HS6ST1: variants seen among roughly 807,000 people sequenced by gnomAD.
HS6ST1 encodes heparan sulfate 6-O-sulfotransferase 1, also known as heparan-sulfate 6-O-sulfotransferase 1.
In HS6ST1, 3 loss-of-function variants were observed where a neutral mutation model predicts 25.2. The observed-to-expected ratio is 0.12, with a 90% CI of 0.05 to 0.31. The LOEUF is 0.31. Ranked by LOEUF, HS6ST1 falls within the 10% of genes least tolerant of loss-of-function variation. HS6ST1 has a pLI of 1.00. For synonymous variants in HS6ST1, 204 were observed against 275.1 expected (o/e 0.74, Z 2.56); for missense variants, 310 against 609.6 (o/e 0.51, Z 5.18).
rs1693553114 is a variant in HS6ST1, at chr2:128,268,211, C to A, written c.1187G>T (p.Gly396Val). The A allele has an allele frequency of 6.2e-7, 1 of 1,610,008 alleles. No homozygotes were observed. The highest frequency in any genetic ancestry group is 2.2e-5 in the East Asian group (1 of 44,832). ...ALPREDADEP[G>V]RVPTEDYMSH... ...CATGTAGTCCTCGGTGGGCACGCGG[C>A]CCGGCTCGTCGGCATCCTCCCGCGG... is the stretch of plus-strand genomic sequence containing the variant. Residue 396 changes from glycine (G) to valine (V), a missense_variant, in exon 2 of 2, where the codon GGC becomes GTC. Gly to Val is a moderately radical substitution (Grantham distance 109, BLOSUM62 -3). Around this residue, in one of 5 missense-constraint regions of HS6ST1, gnomAD observed 140 missense variants for 176.5 expected, o/e 0.79. Coordinates refer to ENST00000259241, the MANE Select transcript of HS6ST1 (RefSeq NM_004807.3).
chr2:128,289,036 C>T (rs922832973), intron 1 of HS6ST1, among the ~76,000 whole-genome samples: 3 of 152,174 alleles, frequency 2.0e-5, no homozygotes, highest in South Asian at 2.1e-4. Flanking sequence ...AACACAGAGG[C>T]GGCCGCGGAG....
intron 1 of HS6ST1, among the ~76,000 whole-genome samples, chr2:128,304,929 C>G (rs1221237941): frequency 6.6e-6 from 1 of 152,226 alleles, no homozygotes; most frequent in Non-Finnish European, 1.5e-5. Flanking sequence ...CATCCCCTGG[C>G]TCTGTGGCAA....
chr2:128,287,546 C>A (rs554790653), intron 1 of HS6ST1, among the ~76,000 whole-genome samples: 14 of 152,284 alleles, frequency 9.2e-5, no homozygotes, highest in African/African-American at 3.4e-4. Flanking sequence ...AGAAGTCACC[C>A]CCAGGGTAGG....
intron 1 of HS6ST1, among the ~76,000 whole-genome samples, chr2:128,308,688 C>T (rs886775876): frequency 6.6e-6 from 1 of 152,196 alleles, no homozygotes; most frequent in African/African-American, 2.4e-5. Context: ...AGGCCATAGC[C>T]CAAGGTGAGC....
At chr2:128,301,108 AG>A (rs1228900939) in intron 1 of HS6ST1, among the ~76,000 whole-genome samples, 2 of 152,016 alleles carry the variant, frequency 1.3e-5, no homozygotes, top group Non-Finnish European at 2.9e-5. Context: ...TCCCTCTGTG[AG>A]GGGCAGGGGT....
intron 1 of HS6ST1, among the ~76,000 whole-genome samples, chr2:128,309,841 G>A (rs1694262235): frequency 6.6e-6 from 1 of 152,212 alleles, no homozygotes; most frequent in Non-Finnish European, 1.5e-5. Context: ...CTCTCCAGAT[G>A]AGGAACTGGG....
At chr2:128,313,723 G>A (rs752029295) in intron 1 of HS6ST1, among the ~76,000 whole-genome samples, 5 of 152,086 alleles carry the variant, frequency 3.3e-5, no homozygotes, top group Non-Finnish European at 5.9e-5. Flanking sequence ...CTGGCCCTAG[G>A]GACCAAGGTG....
intron 1 of HS6ST1, among the ~76,000 whole-genome samples, chr2:128,308,172 G>A (rs914136747): frequency 1.3e-5 from 2 of 152,214 alleles, no homozygotes; most frequent in African/African-American, 4.8e-5. Context: ...TGAAACGCAG[G>A]ACAGTGGTGC....
intron 1 of HS6ST1, among the ~76,000 whole-genome samples, chr2:128,271,757 T>A (rs1693612779): frequency 6.6e-6 from 1 of 152,162 alleles, no homozygotes; most frequent in Non-Finnish European, 1.5e-5. Context: ...TGGCCTGCAG[T>A]GACGGGTGGG....
intron 1 of HS6ST1, among the ~76,000 whole-genome samples, chr2:128,290,817 C>CA (rs57754041): frequency 0.022 from 1,360 of 60,530 alleles, 69 homozygotes; most frequent in Middle Eastern, 0.069. Context: ...ACTAAAAATA[C>CA]AAAAAAAAAA....
chr2:128,302,166 C>T (rs1181266387), intron 1 of HS6ST1, among the ~76,000 whole-genome samples: 3 of 152,136 alleles, frequency 2.0e-5, no homozygotes, highest in Non-Finnish European at 2.9e-5. Context: ...TCCAAGCTGG[C>T]GCTGCTGCCT....
At chr2:128,283,735 T>G (rs902774407) in intron 1 of HS6ST1, among the ~76,000 whole-genome samples, 3 of 152,294 alleles carry the variant, frequency 2.0e-5, no homozygotes, top group Admixed American at 6.5e-5. Flanking sequence ...AGTGTGGGTC[T>G]ACCCCTGTGG....
chr2:128,297,249 A>G (rs958002771), intron 1 of HS6ST1, among the ~76,000 whole-genome samples: 1 of 152,256 alleles, frequency 6.6e-6, no homozygotes, highest in African/African-American at 2.4e-5. Context: ...TATATGGTCA[A>G]ATGGTGCCAA....
chr2:128,279,268 C>T (rs1413569968), intron 1 of HS6ST1, among the ~76,000 whole-genome samples: 1 of 149,332 alleles, frequency 6.7e-6, no homozygotes, highest in African/African-American at 2.5e-5. Context: ...CCAGTGCCAA[C>T]AGAGGGGAAG....
In HS6ST1 at chr2:128,318,596, G is replaced by T. The variant is rs907584295; in HGVS notation, c.-33C>A. 1.6e-6 allele frequency: 2 copies of T among 1,283,688 alleles called. No individual in the cohort carries two copies. The highest frequency in any genetic ancestry group is 3.2e-5 in the East Asian group (1 of 31,676). The allele number at this position is 1,283,688 out of a possible 1,614,324, so 79.5% of individuals were successfully genotyped here. On this transcript the variant is annotated 5_prime_UTR_variant, in exon 1 of 2. Transcript: ENST00000259241. The surrounding 1 kb of genome is among the most constrained non-coding windows in gnomAD (Gnocchi z 5.7). ...CATCGCCGGGGCCCGGGCGCGGGGC[G>T]CGGGGCCTGGGAGGGCAGGAGGCGC...
Position 128,282,686 on chromosome 2 carries a change from C to T in HS6ST1, c.528-13816G>A, listed in dbSNP as rs2104918613. Among the ~76,000 whole-genome samples, 3 of 152,306 alleles carry T rather than the reference C, an allele frequency of 2.0e-5. No individual in the cohort carries two copies. The Middle Eastern group carries it at 0.01, about 518-fold the overall frequency. The stretch of plus-strand genomic sequence containing the variant: ...CTTGAGCCCCACCTCTGTGCCTCTG[C>T]AACTGCCCCAGCCCCTTCCTGCTCC... On this transcript the variant is annotated intron_variant, in intron 1 of 1. Coordinates refer to ENST00000259241, the MANE Select transcript of HS6ST1 (RefSeq NM_004807.3).
At chr2:128,270,337 C>A (rs1693592229) in intron 1 of HS6ST1, among the ~76,000 whole-genome samples, 1 of 152,170 alleles carries the variant, frequency 6.6e-6, no homozygotes, top group African/African-American at 2.4e-5. Flanking sequence ...CTGTGGGCAG[C>A]AGGGGCGAGA....
At chr2:128,283,662 C>T (rs529010659) in intron 1 of HS6ST1, among the ~76,000 whole-genome samples, 3 of 152,266 alleles carry the variant, frequency 2.0e-5, no homozygotes, top group Non-Finnish European at 4.4e-5. Context: ...GCCTCGGCCT[C>T]CCCCTCGCTC....
intron 1 of HS6ST1, chr2:128,290,199 T>C (rs1467524932): frequency 6.6e-6 from 1 of 151,974 alleles, no homozygotes; most frequent in Non-Finnish European, 1.5e-5. Context: ...CTTTGTAAGT[T>C]TGACATTTTT....
Sources: gnomAD v4.1 joint callset for allele counts (sites outside exome capture counted in the v4.1 genomes callset) on GRCh38, gnomAD v4.1.1 for gene constraint, gnomAD v4.1.1 regional missense constraint, Gnocchi (gnomAD v3.1) non-coding constraint, MANE v1.5 for transcripts, NCBI Gene and HGNC (gene_info 2026-07-23, HGNC 2026-07-21) for gene names.